TIMM13: variants seen among roughly 807,000 people sequenced by gnomAD.
TIMM13 encodes mitochondrial import inner membrane translocase subunit Tim13.
In TIMM13, 8 loss-of-function variants were observed where a neutral mutation model predicts 10.9. The ratio of observed to expected loss-of-function variants is 0.73; its 90% CI spans 0.43 to 1.32. The LOEUF is 1.32. Among genes scored for constraint, TIMM13 ranks in the 40% most tolerant of loss-of-function variants. The pLI is 0.01. For synonymous variants in TIMM13, 68 were observed against 52.5 expected (o/e 1.30, Z -1.28); for missense variants, 147 against 132.8 (o/e 1.11, Z -0.53).
In TIMM13 at chr19:2,425,641, G is replaced by A. The variant is rs1599323655; in HGVS notation, c.*1307C>T. The A allele has an allele frequency of 6.6e-6, 9 of 1,364,656 alleles. No homozygotes were observed. The East Asian group carries it at 1.7e-4, about 26-fold the overall frequency. 84.5% of individuals were successfully genotyped at this position (1,364,656 alleles called of 1,614,324 possible). A position where few individuals can be genotyped will look rare whatever the true frequency, so the allele number is the denominator to read the frequency against. On this transcript the variant is annotated 3_prime_UTR_variant, in exon 3 of 3. Coordinates refer to ENST00000215570, the MANE Select transcript of TIMM13 (RefSeq NM_012458.4). ...AGCAGGGAGCCTTTTTGGCTCTGGA[G>A]GAATTTCCACTCCACAGCCGTTTAT...
intron 1 of TIMM13, 37 bp from the exon 2 acceptor site, chr19:2,427,361 C>T: frequency 1.2e-6 from 2 of 1,612,438 alleles, no homozygotes; most frequent in Non-Finnish European, 1.7e-6. Flanking sequence ...GCGACGTCGG[C>T]CCCCAGGGGT....
chr19:2,427,203 C>A (rs1971659988), intron 2 of TIMM13, 53 bp downstream of exon 2: 1 of 1,595,048 alleles, frequency 6.3e-7, no homozygotes, highest in Non-Finnish European at 8.5e-7. Context: ...AGACACCTCC[C>A]CCCTCGAATC....
chr19:2,427,281 C>T lies in TIMM13; in HGVS notation c.164G>A (p.Gly55Glu), dbSNP rs760183496. 6.2e-7 allele frequency: 1 copy of T among 1,613,538 alleles called. No homozygotes were observed. The highest frequency in any genetic ancestry group is 8.5e-7 in the Non-Finnish European group (1 of 1,179,864). Residue 55 changes from glycine to glutamate, a missense_variant, in exon 2 of 3, where the codon GGG becomes GAG. Physicochemically the swap from Gly to Glu is moderately conservative, Grantham distance 98. Coordinates refer to ENST00000215570, the MANE Select transcript of TIMM13 (RefSeq NM_012458.4). ...CTGCTCGGAGTTGTCCAGGGAGCCC[C>T]CAGGTTTCCCTATACACTTCCGGAA... ...KCFRKCIGKPGGSLDNSEQKC... is the reference protein window; with the variant it reads ...KCFRKCIGKPEGSLDNSEQKC...
rs976299522 is a variant in TIMM13 at position 2,425,646 on chromosome 19, T to C, written c.*1302A>G. ...GGAGCCTTTTTGGCTCTGGAGGAAT[T>C]TCCACTCCACAGCCGTTTATTGGGC... On this transcript the variant is annotated 3_prime_UTR_variant, in exon 3 of 3. Coordinates refer to ENST00000215570, the MANE Select transcript of TIMM13 (RefSeq NM_012458.4). 2.0e-5 allele frequency: 27 copies of C among 1,352,168 alleles called. No individual in the cohort carries two copies. Among genetic ancestry groups the C allele is most frequent in the Non-Finnish European group, 2.6e-5 (27 of 1,044,198 alleles). 83.8% of individuals were successfully genotyped at this position (1,352,168 alleles called of 1,614,324 possible). A position where few individuals can be genotyped will look rare whatever the true frequency, so the allele number is the denominator to read the frequency against.
In TIMM13 at chr19:2,426,926, T is replaced by G. The variant is rs762975477; in HGVS notation, c.*22A>C. ...AGCACGTTTATGGAAATGAACAGGG[T>G]GGGGTGGCCCGCGCTCGCCGGTCAC... On this transcript the variant is annotated 3_prime_UTR_variant, in exon 3 of 3. Transcript: ENST00000215570. 6.4e-7 allele frequency: 1 copy of G among 1,562,892 alleles called. No individual in the cohort carries two copies. Among genetic ancestry groups the G allele is most frequent in the Non-Finnish European group, 8.7e-7 (1 of 1,154,080 alleles).
Position 2,427,460 on chromosome 19 carries a change from T to C in TIMM13, c.74A>G (p.Gln25Arg), listed in dbSNP as rs370878952. 5.0e-6 allele frequency: 8 copies of C among 1,612,772 alleles called. No individual in the cohort carries two copies. In the African/African-American group the frequency reaches 9.3e-5, roughly 19 times the overall value. Residue 25 changes from glutamine (Q) to arginine (R), a missense_variant, in exon 1 of 3, where the codon CAG becomes CGG. By Grantham distance (43) the Gln-to-Arg change is conservative. Transcript: ENST00000215570. ...GGCCACGGCGATCTGCACTTTCACC[T>C]GCTCCATTATGAGCCCTGGGTCCAG... ...GKLDPGLIME[Q>R]VKVQIAVANA...
At position 2,426,445 on chromosome 19, in the gene TIMM13, T is replaced by C. The variant is rs770383829; in HGVS notation, c.*503A>G. On this transcript the variant is annotated 3_prime_UTR_variant, in exon 3 of 3. Transcript: ENST00000215570. ...TCGTGACTCAGCAGCCCGGTGGCAC[T>C]AAGGGGAAAGATGGACTTCTCCCAA... The C allele has an allele frequency of 1.7e-5, 5 of 291,144 alleles. No individual in the cohort carries two copies. The highest frequency in any genetic ancestry group is 3.2e-5 in the Non-Finnish European group (5 of 154,520). The allele number at this position is 291,144 out of a possible 1,614,324, so 18.0% of individuals were successfully genotyped here.
rs182857514 is a variant in TIMM13 at position 2,427,502 on chromosome 19, C to T, written c.32G>A (p.Gly11Asp). The change falls in exon 1 of 3, where the codon GGC (glycine) becomes GAC (aspartate). Residue 11 changes from glycine to aspartate, a missense_variant. Coordinates refer to ENST00000215570, the MANE Select transcript of TIMM13 (RefSeq NM_012458.4). MEGGFGSDFG[G>D]SGSGKLDPGL... ...TGGGTCCAGCTTCCCGCTGCCGGAG[C>T]CCCCGAAATCGGAGCCGAAGCCGCC... 2.2e-5 allele frequency: 35 copies of T among 1,610,578 alleles called. No individual in the cohort carries two copies. In the East Asian group the frequency reaches 2.2e-4, roughly 10 times the overall value.
chr19:2,425,796 C>A lies in TIMM13; in HGVS notation c.*1152G>T. On this transcript the variant is annotated 3_prime_UTR_variant, in exon 3 of 3. Transcript: ENST00000215570. ...AATGTCTGCCACCTTTGCATTGAGCCCATTTTCCAGATAGTGAAAATGCGG... is the reference window on the plus strand; with the variant it reads ...AATGTCTGCCACCTTTGCATTGAGCACATTTTCCAGATAGTGAAAATGCGG... The A allele has an allele frequency of 7.5e-7, 1 of 1,341,946 alleles. No homozygotes were observed. The highest frequency in any genetic ancestry group is 9.9e-7 in the Non-Finnish European group (1 of 1,006,994). 83.1% of individuals were successfully genotyped at this position (1,341,946 alleles called of 1,614,324 possible). A position where few individuals can be genotyped will look rare whatever the true frequency, so the allele number is the denominator to read the frequency against.
Position 2,426,947 on chromosome 19 carries a change from G to A in TIMM13, c.*1C>T, listed in dbSNP as rs1395046743. 6.3e-7 allele frequency: 1 copy of A among 1,588,814 alleles called. No individual in the cohort carries two copies. On this transcript the variant is annotated 3_prime_UTR_variant, in exon 3 of 3. Coordinates refer to ENST00000215570, the MANE Select transcript of TIMM13 (RefSeq NM_012458.4). Reference sequence around the variant, plus strand: ...AGGGTGGGGTGGCCCGCGCTCGCCGGTCACATGTTGGCTCGTTCCCGCTGC... The same window carrying A: ...AGGGTGGGGTGGCCCGCGCTCGCCGATCACATGTTGGCTCGTTCCCGCTGC...
chr19:2,427,023 G>T lies in TIMM13; in HGVS notation c.213C>A (p.Asp71Glu). The T allele has an allele frequency of 6.2e-7, 1 of 1,609,354 alleles. No homozygotes were observed. Residue 71 changes from aspartate (D) to glutamate (E), a missense_variant, in exon 3 of 3, where the codon GAC becomes GAA. Asp to Glu is a conservative substitution (Grantham distance 45, BLOSUM62 2). Transcript: ENST00000215570. ...CGGTGTTCCAGGCGTCCATGTAGCG[G>T]TCCATGCACATGGCGATGCACTTCT... Reference protein sequence around the residue: ...SEQKCIAMCMDRYMDAWNTVS... With the variant: ...SEQKCIAMCMERYMDAWNTVS...
In TIMM13 at chr19:2,427,339, G is replaced by C. The variant is rs760136805; in HGVS notation, c.121-15C>G. On this transcript the variant is annotated splice_polypyrimidine_tract_variant and intron_variant, in intron 1 of 2. Transcript: ENST00000215570. ...TCCGTCATCCTCTGTGGAGACACGCGAGGCTTTAGCCGCGACGTCGGCCCC... is the reference window on the plus strand; with the variant it reads ...TCCGTCATCCTCTGTGGAGACACGCCAGGCTTTAGCCGCGACGTCGGCCCC... 46 of 1,612,952 alleles carry C rather than the reference G, an allele frequency of 2.9e-5. No homozygotes were observed. Among genetic ancestry groups the C allele is most frequent in the Non-Finnish European group, 3.8e-5 (45 of 1,179,736 alleles).
At position 2,426,702 on chromosome 19, in the gene TIMM13, C is replaced by T; in HGVS notation, c.*246G>A. Reference sequence around the variant, plus strand: ...ACTTGGGCACACTAGGGGAATACCCCAAAGGCCTGAAGGAGGTGCCACTGG... The same window carrying T: ...ACTTGGGCACACTAGGGGAATACCCTAAAGGCCTGAAGGAGGTGCCACTGG... On this transcript the variant is annotated 3_prime_UTR_variant, in exon 3 of 3. Coordinates refer to ENST00000215570, the MANE Select transcript of TIMM13 (RefSeq NM_012458.4). 3 of 590,100 alleles carry T rather than the reference C, an allele frequency of 5.1e-6. No individual in the cohort carries two copies. Among genetic ancestry groups the T allele is most frequent in the East Asian group, 2.8e-5 (1 of 35,620 alleles). The allele number at this position is 590,100 out of a possible 1,614,324, so 36.6% of individuals were successfully genotyped here. A position where few individuals can be genotyped will look rare whatever the true frequency, so the allele number is the denominator to read the frequency against.
At position 2,427,023 on chromosome 19, in the gene TIMM13, G is replaced by A. The variant is rs776087261; in HGVS notation, c.213C>T (p.Asp71=). The A allele has an allele frequency of 1.4e-5, 23 of 1,609,236 alleles. No individual in the cohort carries two copies. In the East Asian group the frequency reaches 4.7e-4, roughly 33 times the overall value. Reference sequence around the variant, plus strand: ...CGGTGTTCCAGGCGTCCATGTAGCGGTCCATGCACATGGCGATGCACTTCT... The same window carrying A: ...CGGTGTTCCAGGCGTCCATGTAGCGATCCATGCACATGGCGATGCACTTCT... ...SEQKCIAMCM[D]RYMDAWNTVS... is the part of the protein sequence containing the mutation. Residue 71 remains aspartate, a synonymous_variant, in exon 3 of 3, where the codon GAC becomes GAT. Coordinates refer to ENST00000215570, the MANE Select transcript of TIMM13 (RefSeq NM_012458.4).
At position 2,427,297 on chromosome 19, in the gene TIMM13, A is replaced by G. The variant is rs758639391; in HGVS notation, c.148T>C (p.Cys50Arg). ...AGGGAGCCCCCAGGTTTCCCTATAC[A>G]CTTCCGGAAACACTTGTCCGTCATC... ...QRMTDKCFRK[C>R]IGKPGGSLDN... is the part of the protein sequence containing the mutation. Residue 50 changes from cysteine (C) to arginine (R), a missense_variant, in exon 2 of 3, where the codon TGT becomes CGT. Coordinates refer to ENST00000215570, the MANE Select transcript of TIMM13 (RefSeq NM_012458.4). 6.2e-7 allele frequency: 1 copy of G among 1,613,178 alleles called. No homozygotes were observed. Among genetic ancestry groups the G allele is most frequent in the Non-Finnish European group, 8.5e-7 (1 of 1,179,736 alleles).
chr19:2,426,195 G>T lies in TIMM13; in HGVS notation c.*753C>A. The T allele has an allele frequency of 1.1e-6, 1 of 879,910 alleles. No homozygotes were observed. Among genetic ancestry groups the T allele is most frequent in the South Asian group, 2.1e-5 (1 of 47,190 alleles). 54.5% of individuals were successfully genotyped at this position (879,910 alleles called of 1,614,324 possible). ...CCTACCCAAGGACGGGTGTGGGGGG[G>T]CTGTGGGTCATGGGGATGCATTTTG... On this transcript the variant is annotated 3_prime_UTR_variant, in exon 3 of 3. Transcript: ENST00000215570.
chr19:2,426,058 A>G lies in TIMM13; in HGVS notation c.*890T>C. The G allele has an allele frequency of 2.5e-6, 4 of 1,609,208 alleles. No homozygotes were observed. The highest frequency in any genetic ancestry group is 3.4e-6 in the Non-Finnish European group (4 of 1,178,376). On this transcript the variant is annotated 3_prime_UTR_variant, in exon 3 of 3. Coordinates refer to ENST00000215570, the MANE Select transcript of TIMM13 (RefSeq NM_012458.4). ...TCTATACCCGGGTGGCAGCTGTGAG[A>G]GGCTGGATAGGACAGCACATCCAGG...
chr19:2,425,747 G>A lies in TIMM13; in HGVS notation c.*1201C>T, dbSNP rs1416523397. Reference sequence around the variant, plus strand: ...GCAGTGGGAGGCACCGTTCCACTCCGGGACCACGTGGCGGGTGTCCATAAA... The same window carrying A: ...GCAGTGGGAGGCACCGTTCCACTCCAGGACCACGTGGCGGGTGTCCATAAA... On this transcript the variant is annotated 3_prime_UTR_variant, in exon 3 of 3. Transcript: ENST00000215570. 4.3e-6 allele frequency: 5 copies of A among 1,153,502 alleles called. No homozygotes were observed. The highest frequency in any genetic ancestry group is 3.2e-5 in the African/African-American group (2 of 62,980). 71.5% of individuals were successfully genotyped at this position (1,153,502 alleles called of 1,614,324 possible).
rs966429691 is a variant in TIMM13 at position 2,426,885 on chromosome 19, G to A, written c.*63C>T. ...CCCCGGGCAGGCAGTACGTACATGC[G>A]GACCCCGCCTCTCAAAGCACGTTTA... On this transcript the variant is annotated 3_prime_UTR_variant, in exon 3 of 3. Transcript: ENST00000215570. The A allele has an allele frequency of 8.7e-6, 13 of 1,496,608 alleles. No individual in the cohort carries two copies. The highest frequency in any genetic ancestry group is 2.0e-5 in the Admixed American group (1 of 50,930). 92.7% of individuals were successfully genotyped at this position (1,496,608 alleles called of 1,614,324 possible). A position where few individuals can be genotyped will look rare whatever the true frequency, so the allele number is the denominator to read the frequency against.
Sources: allele counts gnomAD v4.1 joint callset, GRCh38; gene constraint gnomAD v4.1.1; transcripts MANE v1.5; gene names NCBI Gene and HGNC (gene_info 2026-07-23, HGNC 2026-07-21).